The following DTL variants were observed in gnomAD, a reference collection of about 807,000 sequenced individuals.
DTL encodes the protein denticleless E3 ubiquitin protein ligase adapter, also known as denticleless protein homolog.
Under a neutral mutation model 87.0 loss-of-function variants are expected in DTL, and 46 were observed. The observed-to-expected ratio is 0.53, with a 90% CI of 0.42 to 0.68. DTL has a LOEUF of 0.68. DTL is among the 30% of genes least tolerant of loss of function. DTL has a pLI of 0.00. For missense variants in DTL, 737 were observed against 869.4 expected, an observed-to-expected ratio of 0.85 and a Z score of 1.91; for synonymous variants, 308 against 311.2, an observed-to-expected ratio of 0.99 and a Z score of 0.11.
intron 13 of DTL, among the ~76,000 whole-genome samples, chr1:212,096,445 T>G (rs1378901833): frequency 6.6e-6 from 1 of 152,202 alleles, no homozygotes; most frequent in Non-Finnish European, 1.5e-5. Context: ...ATTTCTCTAG[T>G]TCTTGAGGTG....
At chr1:212,083,129 A>C (rs1187552194) in intron 13 of DTL, among the ~76,000 whole-genome samples, 1 of 152,254 alleles carries the variant, frequency 6.6e-6, no homozygotes, top group South Asian at 2.1e-4. Flanking sequence ...TTAATGACTT[A>C]CAGTTCCACA....
intron 1 of DTL, among the ~76,000 whole-genome samples, chr1:212,042,032 G>T (rs1426025915): frequency 6.6e-6 from 1 of 152,146 alleles, no homozygotes; most frequent in African/African-American, 2.4e-5. Context: ...TGAAAAGTGA[G>T]GATTCAGAGT....
chr1:212,084,310 T>G (rs1040110610), intron 13 of DTL, among the ~76,000 whole-genome samples: 5 of 151,614 alleles, frequency 3.3e-5, no homozygotes, highest in South Asian at 4.2e-4. Context: ...CTCAGCCTCC[T>G]GAGTAGCTGG....
intron 11 of DTL, among the ~76,000 whole-genome samples, chr1:212,074,632 T>C (rs1282865993): frequency 6.6e-6 from 1 of 152,198 alleles, no homozygotes; most frequent in Non-Finnish European, 1.5e-5. Context: ...GTGAGGTGGC[T>C]CAGTTTCTCT....
Position 212,068,621 on chromosome 1 carries a change from T to A in DTL, c.840T>A (p.Asp280Glu). The A allele has an allele frequency of 1.2e-6, 2 of 1,612,948 alleles. No individual in the cohort carries two copies. The highest frequency in any genetic ancestry group is 1.7e-6 in the Non-Finnish European group (2 of 1,179,210). The stretch of plus-strand genomic sequence containing the variant: ...CAGGATATTCAAGTCTGATTTTGGA[T>A]TCCACTGGCTCTACTTTATTTGCTA... Reference protein sequence around the residue: ...RKLGYSSLILDSTGSTLFANC... With the variant: ...RKLGYSSLILESTGSTLFANC... Residue 280 changes from aspartate (D) to glutamate (E), a missense_variant, in exon 10 of 15, where the codon GAT becomes GAA. By Grantham distance (45) the Asp-to-Glu change is conservative. Transcript: ENST00000366991.
chr1:212,087,268 G>C (rs1276955542), intron 13 of DTL, among the ~76,000 whole-genome samples: 2 of 152,198 alleles, frequency 1.3e-5, no homozygotes, highest in East Asian at 3.9e-4. Flanking sequence ...TAACAGAGCA[G>C]GCTGGGTGCG....
chr1:212,079,917 G>A (rs1654941327), intron 12 of DTL, among the ~76,000 whole-genome samples: 1 of 152,106 alleles, frequency 6.6e-6, no homozygotes, highest in African/African-American at 2.4e-5. Flanking sequence ...ACAAATGCTG[G>A]GGAACAGCTC....
In DTL at chr1:212,068,287, C is replaced by T; in HGVS notation, c.777C>T (p.Ser259=). The T allele has an allele frequency of 6.2e-7, 1 of 1,612,084 alleles. No individual in the cohort carries two copies. Among genetic ancestry groups the T allele is most frequent in the East Asian group, 2.2e-5 (1 of 44,810 alleles). The change falls in exon 9 of 15, where the codon TCC becomes TCT. Residue 259 remains serine, a synonymous_variant. Transcript: ENST00000366991. ...YTAYRQEPIA[S]KSFLYPGSST... is the part of the protein sequence containing the mutation. ...CTTATCGACAAGAACCCATAGCATC[C>T]AAGTCTTTCCTGTACCCAGGTAGCA...
At position 212,065,257 on chromosome 1, in the gene DTL, C is replaced by T. The variant is rs181904808; in HGVS notation, c.639+228C>T. Among the ~76,000 whole-genome samples, 333 of 151,898 alleles carry T rather than the reference C, an allele frequency of 2.2e-3. 6 individuals are homozygous for T. The highest frequency in any genetic ancestry group is 3.4e-3 in the Middle Eastern group (1 of 292). On this transcript the variant is annotated intron_variant, in intron 7 of 14. Transcript: ENST00000366991. Reference sequence around the variant, plus strand: ...GATGGAATTAAAATATATGTAGCCTCGTTGATAAATATCTTTAAATTTATT... The same window carrying T: ...GATGGAATTAAAATATATGTAGCCTTGTTGATAAATATCTTTAAATTTATT...
chr1:212,060,840 G>GT (rs781287335), intron 5 of DTL, among the ~76,000 whole-genome samples: 3 of 151,984 alleles, frequency 2.0e-5, no homozygotes, highest in African/African-American at 7.3e-5. Flanking sequence ...CAGGATATTG[G>GT]TTTAGGCAAA....
chr1:212,100,346 A>G lies in DTL; in HGVS notation c.1356A>G (p.Pro452=). 1 of 1,613,792 alleles carries G rather than the reference A, an allele frequency of 6.2e-7. No homozygotes were observed. Among genetic ancestry groups the G allele is most frequent in the Middle Eastern group, 1.7e-4 (1 of 6,060 alleles). ...CCCCGTCATCCGCAGCTTGTGCCCC[A>G]AGCTGTGCTGGAGACCTCCCTCTTC... ...NSSPSSAACA[P]SCAGDLPLPS... The change falls in exon 14 of 15, where the codon CCA becomes CCG. Residue 452 remains proline, a synonymous_variant. Coordinates refer to ENST00000366991, the MANE Select transcript of DTL (RefSeq NM_016448.4).
intron 13 of DTL, among the ~76,000 whole-genome samples, chr1:212,098,627 T>TA (rs981974499): frequency 3.9e-4 from 60 of 152,080 alleles, no homozygotes; most frequent in African/African-American, 1.4e-3. Context: ...CCAATGGAGT[T>TA]ACGTTCTAAG....
intron 1 of DTL, among the ~76,000 whole-genome samples, chr1:212,042,410 G>A (rs978874997): frequency 6.6e-6 from 1 of 152,198 alleles, no homozygotes; most frequent in Non-Finnish European, 1.5e-5. Context: ...TTTTCTAGGG[G>A]TAGGTACATA....
intron 5 of DTL, among the ~76,000 whole-genome samples, chr1:212,058,729 A>G: frequency 6.6e-6 from 1 of 152,240 alleles, no homozygotes; most frequent in Non-Finnish European, 1.5e-5. Context: ...AAAACAAGAA[A>G]AAGGGTCAAC....
chr1:212,089,816 A>G (rs373418231), intron 13 of DTL, among the ~76,000 whole-genome samples: 1 of 152,184 alleles, frequency 6.6e-6, no homozygotes, highest in African/African-American at 2.4e-5. Context: ...GTGCCATGCA[A>G]GTTTCAGAAA....
At chr1:212,101,440 C>A (rs1329495290) in intron 14 of DTL, among the ~76,000 whole-genome samples, 1 of 152,116 alleles carries the variant, frequency 6.6e-6, no homozygotes, top group African/African-American at 2.4e-5. Context: ...GATATCAATT[C>A]AAAAATATCT....
At chr1:212,048,845 A>G (rs1254002691) in intron 5 of DTL, among the ~76,000 whole-genome samples, 1 of 152,020 alleles carries the variant, frequency 6.6e-6, no homozygotes, top group Non-Finnish European at 1.5e-5. Flanking sequence ...TTAAAAATCA[A>G]ATGTTTTCAT....
chr1:212,087,402 T>A (rs1655161038), intron 13 of DTL, among the ~76,000 whole-genome samples: 1 of 151,792 alleles, frequency 6.6e-6, no homozygotes, highest in Admixed American at 6.6e-5. Flanking sequence ...CAAAAAAAAT[T>A]AGCCGGGCAT....
chr1:212,067,952 A>G (rs1654558013), intron 8 of DTL, among the ~76,000 whole-genome samples: 1 of 152,166 alleles, frequency 6.6e-6, no homozygotes, highest in Admixed American at 6.5e-5. Context: ...TCGGCACTCA[A>G]CCTTCATCTT....
Sources: gnomAD v4.1 joint callset for allele counts (sites outside exome capture counted in the v4.1 genomes callset) on GRCh38, gnomAD v4.1.1 for gene constraint, MANE v1.5 for transcripts, NCBI Gene and HGNC (gene_info 2026-07-23, HGNC 2026-07-21) for gene names.